PROX2: variants seen among roughly 807,000 people sequenced by gnomAD.
PROX2 encodes the protein prospero homeobox 2.
A neutral mutation model predicts 48.9 loss-of-function variants in PROX2; 46 were observed. The ratio of observed to expected loss-of-function variants is 0.94; its 90% CI spans 0.74 to 1.20. The LOEUF is 1.20. Among genes scored for constraint, PROX2 ranks in the 50% most tolerant of loss-of-function variants. The pLI is 0.00. For synonymous variants in PROX2, 260 were observed against 276.6 expected (o/e 0.94, Z 0.60); for missense variants, 663 against 719.4 (o/e 0.92, Z 0.90).
At chr14:74,874,062 C>T (rs1252018048) in intron 1 of PROX2, 22 of 522,946 alleles carry the variant, frequency 4.2e-5, no homozygotes, top group Non-Finnish European at 5.9e-5. Context: ...ATTATGAATC[C>T]GCCTTTTGGG....
chr14:74,874,274 T>C, intron 1 of PROX2: 1 of 339,196 alleles, frequency 2.9e-6, no homozygotes, highest in Non-Finnish European at 5.5e-6. Context: ...TTTTTTTTGA[T>C]ATGGAGTCTT....
intron 1 of PROX2, among the ~76,000 whole-genome samples, chr14:74,875,121 G>A (rs985643874): frequency 6.6e-6 from 1 of 151,704 alleles, no homozygotes; most frequent in Non-Finnish European, 1.5e-5. Context: ...CTCCAGCCTG[G>A]GCAACAGAGC....
chr14:74,869,299 A>G (rs948158260), intron 2 of PROX2, among the ~76,000 whole-genome samples: 8 of 148,432 alleles, frequency 5.4e-5, no homozygotes, highest in African/African-American at 2.0e-4. Flanking sequence ...TTTTTTTGAG[A>G]TGGAGTTTAG....
chr14:74,855,314 A>G lies in PROX2; in HGVS notation c.1609-12T>C. The G allele has an allele frequency of 6.5e-7, 1 of 1,535,228 alleles. No individual in the cohort carries two copies. The highest frequency in any genetic ancestry group is 8.8e-7 in the Non-Finnish European group (1 of 1,131,394). Reference sequence around the variant, plus strand: ...AAGCAATCTGGAACCTGCATTTCCAAAGAGACCCACAAGAAAGAAAAGACG... The same window carrying G: ...AAGCAATCTGGAACCTGCATTTCCAGAGAGACCCACAAGAAAGAAAAGACG... On this transcript the variant is annotated splice_polypyrimidine_tract_variant and intron_variant, in intron 5 of 5. Transcript: ENST00000556489.
chr14:74,871,592 A>G (rs1883217503), intron 1 of PROX2, among the ~76,000 whole-genome samples: 1 of 152,150 alleles, frequency 6.6e-6, no homozygotes, highest in African/African-American at 2.4e-5. Context: ...TGGGCAACAT[A>G]TCAGATCCAA....
chr14:74,870,317 T>C (rs1476749642), intron 2 of PROX2, among the ~76,000 whole-genome samples: 2 of 149,842 alleles, frequency 1.3e-5, no homozygotes, highest in Non-Finnish European at 3.0e-5. Context: ...TCTCAGCTAC[T>C]AGGGAGGCTG....
chr14:74,873,426 T>C (rs1225317223), intron 1 of PROX2, among the ~76,000 whole-genome samples: 1 of 152,204 alleles, frequency 6.6e-6, no homozygotes, highest in African/African-American at 2.4e-5. Context: ...TTGCATTCTC[T>C]GGTGCGGGAA....
intron 1 of PROX2, among the ~76,000 whole-genome samples, chr14:74,875,014 G>A (rs1055696298): frequency 6.6e-6 from 1 of 152,028 alleles, no homozygotes; most frequent in African/African-American, 2.4e-5. Flanking sequence ...GCGTGGTGGT[G>A]CATGCCTGTA....
intron 1 of PROX2, among the ~76,000 whole-genome samples, chr14:74,872,380 G>A (rs1463194616): frequency 6.6e-6 from 1 of 152,158 alleles, no homozygotes; most frequent in Non-Finnish European, 1.5e-5. Flanking sequence ...CTTGTGCTTA[G>A]TAGATGACCA....
chr14:74,870,302 A>T (rs1172744507), intron 2 of PROX2, among the ~76,000 whole-genome samples: 1 of 151,322 alleles, frequency 6.6e-6, no homozygotes, highest in Non-Finnish European at 1.5e-5. Context: ...GGCTTGTGCC[A>T]GTAGTCTCAG....
At chr14:74,857,764 G>T (rs10141670) in intron 4 of PROX2, 19,089 of 140,002 alleles carry the variant, frequency 0.14, 1,836 homozygotes, top group African/African-American at 0.29. Context: ...GTTTGTTTTT[G>T]TGTGTTTTTT....
chr14:74,868,348 TATATATATATATA>T (rs1883124685), intron 2 of PROX2, among the ~76,000 whole-genome samples: 1 of 121,078 alleles, frequency 8.3e-6, no homozygotes, highest in African/African-American at 3.3e-5. Context: ...TATATATATA[TATATATATATATA>T]AACAAAAATG....
chr14:74,865,223 C>A (rs1159646591), intron 2 of PROX2: 1 of 151,620 alleles, frequency 6.6e-6, no homozygotes, highest in Non-Finnish European at 1.5e-5. Context: ...ATTCACTGTT[C>A]AACTATTTAT....
chr14:74,868,706 G>A lies in PROX2; in HGVS notation c.-175+2397C>T, dbSNP rs367788362. Among the ~76,000 whole-genome samples, 4 of 151,914 alleles carry A rather than the reference G, an allele frequency of 2.6e-5. No homozygotes were observed. In the East Asian group the frequency reaches 7.8e-4, roughly 30 times the overall value. On this transcript the variant is annotated intron_variant, in intron 2 of 5. Coordinates refer to ENST00000556489, the MANE Select transcript of PROX2 (RefSeq NM_001243007.2). Reference sequence around the variant, plus strand: ...CAAAAAATTAGCTGGGCATGGTGGCGGGCGCCTGTAGTCCCAGCTACTCGG... The same window carrying A: ...CAAAAAATTAGCTGGGCATGGTGGCAGGCGCCTGTAGTCCCAGCTACTCGG...
chr14:74,859,674 A>T (rs2091780109), intron 3 of PROX2, among the ~76,000 whole-genome samples: 1 of 152,234 alleles, frequency 6.6e-6, no homozygotes, highest in Non-Finnish European at 1.5e-5. Context: ...GTAACCTGGG[A>T]TCTCAGATCC....
In PROX2 at chr14:74,856,998, G is replaced by T; in HGVS notation, c.1414-3C>A. 6.2e-7 allele frequency: 1 copy of T among 1,613,128 alleles called. No homozygotes were observed. The highest frequency in any genetic ancestry group is 1.1e-5 in the South Asian group (1 of 91,052). The stretch of plus-strand genomic sequence containing the variant: ...TGGGAGGTAATGCAGCGGTTGAACT[G>T]TACAAACAAGAGGTCCATCCAGTCA... On this transcript the variant is annotated splice_polypyrimidine_tract_variant and splice_region_variant and intron_variant, in intron 4 of 5. Transcript: ENST00000556489.
At chr14:74,870,764 G>A (rs1883193173) in intron 2 of PROX2, among the ~76,000 whole-genome samples, 1 of 152,158 alleles carries the variant, frequency 6.6e-6, no homozygotes, top group Non-Finnish European at 1.5e-5. Context: ...TCTAGGCCGG[G>A]CGCAGGGGCT....
Position 74,855,158 on chromosome 14 carries a change from A to G in PROX2, c.1753T>C (p.Phe585Leu), listed in dbSNP as rs539838286. The change falls in exon 6 of 6, where the codon TTC becomes CTC. Residue 585 changes from phenylalanine (F) to leucine (L), a missense_variant. Transcript: ENST00000556489. Reference protein sequence around the residue: ...SKLDSDIPEIFKSSSYPQ With the variant: ...SKLDSDIPEILKSSSYPQ ...TACTGGGGATAGCTGGAAGATTTGA[A>G]TATCTCTGGGATGTCACTGTCCAGT... The G allele has an allele frequency of 1.3e-5, 20 of 1,570,024 alleles. No individual in the cohort carries two copies. The African/African-American group carries it at 2.0e-4, about 16-fold the overall frequency.
chr14:74,873,991 A>T (rs1308360929), intron 1 of PROX2: 2 of 505,976 alleles, frequency 4.0e-6, no homozygotes, highest in Non-Finnish European at 8.1e-6. Flanking sequence ...ACAAATATTG[A>T]CATGGTTCAA....
Sources: gnomAD v4.1 joint callset for allele counts (sites outside exome capture counted in the v4.1 genomes callset) on GRCh38, gnomAD v4.1.1 for gene constraint, MANE v1.5 for transcripts, NCBI Gene and HGNC (gene_info 2026-07-23, HGNC 2026-07-21) for gene names.